Variants in PCDH9 observed in about 807,000 individuals in gnomAD.
PCDH9 encodes protocadherin 9, also known as protocadherin-9.
PCDH9 carries 24 observed loss-of-function variants against 70.6 expected under a neutral mutation model. The observed-to-expected ratio is 0.34, with a 90% CI of 0.25 to 0.48. The LOEUF is 0.48. PCDH9 is among the 20% of genes least tolerant of loss of function. The pLI is 0.99. For missense variants in PCDH9, 1,281 were observed against 1,503.6 expected, an observed-to-expected ratio of 0.85 and a Z score of 2.45; for synonymous variants, 562 against 558.5, an observed-to-expected ratio of 1.01 and a Z score of -0.09.
intron 2 of PCDH9, among the ~76,000 whole-genome samples, chr13:67,009,589 T>C (rs1442256322): frequency 6.6e-6 from 1 of 152,054 alleles, no homozygotes; most frequent in Non-Finnish European, 1.5e-5. Context: ...CTGTGCCTTC[T>C]CTGGTCTGTA....
intron 3 of PCDH9, among the ~76,000 whole-genome samples, chr13:66,822,805 G>A (rs1405366653): frequency 5.3e-5 from 8 of 152,042 alleles, no homozygotes; most frequent in African/African-American, 1.9e-4. Context: ...ACTGCACTCG[G>A]ATGATATTCT....
intron 4 of PCDH9, among the ~76,000 whole-genome samples, chr13:66,395,323 C>T (rs1208778079): frequency 2.6e-5 from 4 of 152,116 alleles, no homozygotes; most frequent in Non-Finnish European, 5.9e-5. Context: ...CTGAGTTTGG[C>T]CGGGCGTGGT....
chr13:66,722,967 C>CAA (rs1210244459), intron 3 of PCDH9, among the ~76,000 whole-genome samples: 13 of 73,628 alleles, frequency 1.8e-4, no homozygotes, highest in East Asian at 4.8e-4. Flanking sequence ...GACTGCATCT[C>CAA]AAAAAAAAAA....
intron 3 of PCDH9, among the ~76,000 whole-genome samples, chr13:66,641,251 A>G (rs1344457615): frequency 6.6e-6 from 1 of 152,076 alleles, no homozygotes; most frequent in African/African-American, 2.4e-5. Context: ...AAAAATGTCA[A>G]TGGGAATGAT....
At chr13:66,905,595 C>T (rs374468545) in intron 2 of PCDH9, among the ~76,000 whole-genome samples, 57 of 152,058 alleles carry the variant, frequency 3.7e-4, no homozygotes, top group African/African-American at 1.2e-3. Flanking sequence ...GGCCTCACTC[C>T]GATTTCAATC....
At chr13:67,022,565 C>G (rs1386610191) in intron 2 of PCDH9, among the ~76,000 whole-genome samples, 1 of 152,180 alleles carries the variant, frequency 6.6e-6, no homozygotes, top group African/African-American at 2.4e-5. Flanking sequence ...CTATTCAATA[C>G]TTTCACAAGT....
intron 3 of PCDH9, among the ~76,000 whole-genome samples, chr13:66,830,612 T>TAATTTACCTTACCTTACCTTTAC (rs2080908736): frequency 6.6e-6 from 1 of 152,208 alleles, no homozygotes; most frequent in Non-Finnish European, 1.5e-5. Context: ...AATTAAGGCC[T>TAATTTACCTTACCTTACCTTTAC]GTTACCTAAT....
Position 66,764,039 on chromosome 13 carries a change from TC to T in PCDH9, c.3139-132629del, listed in dbSNP as rs549917897. Among the ~76,000 whole-genome samples the T allele has an allele frequency of 5.9e-5, 9 of 152,066 alleles. No individual in the cohort carries two copies. In the South Asian group the frequency reaches 1.7e-3, roughly 28 times the overall value. On this transcript the variant is annotated intron_variant, in intron 3 of 4. Transcript: ENST00000377865. ...GTTTGAAACTCCTGATCTTGGGTGATCCACTTGCCTTGGCCACCCAAAGTGC... is the reference window on the plus strand; with the variant it reads ...GTTTGAAACTCCTGATCTTGGGTGATCACTTGCCTTGGCCACCCAAAGTGC...
intron 4 of PCDH9, chr13:66,306,154 A>G (rs1182962542): frequency 8.5e-5 from 13 of 152,072 alleles, no homozygotes; most frequent in Admixed American, 8.5e-4. Context: ...CAGAAAAAAA[A>G]TGCAGAAAAA....
At chr13:66,499,797 G>T (rs1313602362) in intron 4 of PCDH9, among the ~76,000 whole-genome samples, 1 of 152,196 alleles carries the variant, frequency 6.6e-6, no homozygotes, top group Non-Finnish European at 1.5e-5. Flanking sequence ...CATGGAGATG[G>T]ATCCTTCCTA....
chr13:66,942,208 G>A (rs901580822), intron 2 of PCDH9, among the ~76,000 whole-genome samples: 1 of 151,688 alleles, frequency 6.6e-6, no homozygotes, highest in Non-Finnish European at 1.5e-5. Flanking sequence ...ATTCCTGTTA[G>A]TAATTTTAAA....
intron 4 of PCDH9, among the ~76,000 whole-genome samples, chr13:66,341,162 A>G (rs955884954): frequency 6.6e-6 from 1 of 151,872 alleles, no homozygotes; most frequent in South Asian, 2.1e-4. Context: ...CTCACTCATG[A>G]CTCACTGAAG....
intron 3 of PCDH9, chr13:66,880,186 G>A (rs2081897941): frequency 6.6e-6 from 1 of 152,270 alleles, no homozygotes; most frequent in African/African-American, 2.4e-5. Flanking sequence ...GTGGAATAAT[G>A]ATAAAACACT....
chr13:66,442,874 A>G (rs538576311), intron 4 of PCDH9, among the ~76,000 whole-genome samples: 3 of 152,294 alleles, frequency 2.0e-5, no homozygotes, highest in Admixed American at 2.0e-4. Context: ...TTAAACACCT[A>G]ATTTACCTTC....
At chr13:67,169,450 A>T (rs1312358826) in intron 2 of PCDH9, among the ~76,000 whole-genome samples, 1 of 152,216 alleles carries the variant, frequency 6.6e-6, no homozygotes, top group Non-Finnish European at 1.5e-5. Context: ...AAGCTCTGGC[A>T]TAGATTTAAC....
At chr13:66,754,289 A>T (rs1449812703) in intron 3 of PCDH9, among the ~76,000 whole-genome samples, 5 of 152,162 alleles carry the variant, frequency 3.3e-5, no homozygotes, top group Non-Finnish European at 2.9e-5. Flanking sequence ...TGATGGGTTG[A>T]TGGGTGCAGC....
At chr13:66,820,787 G>A (rs551296162) in intron 3 of PCDH9, among the ~76,000 whole-genome samples, 44 of 152,194 alleles carry the variant, frequency 2.9e-4, no homozygotes, top group African/African-American at 9.9e-4. Context: ...ATATAAGTAC[G>A]AGCTAAATTA....
At chr13:67,131,211 A>G (rs915725182) in intron 2 of PCDH9, among the ~76,000 whole-genome samples, 11 of 152,158 alleles carry the variant, frequency 7.2e-5, no homozygotes, top group Non-Finnish European at 1.3e-4. Context: ...TTAAACTATA[A>G]TTGGACTTTT....
At position 66,336,259 on chromosome 13, in the gene PCDH9, A is replaced by AT. The variant is rs879606589; in HGVS notation, c.3341-31232dup. Among the ~76,000 whole-genome samples the AT allele has an allele frequency of 1.6e-3, 237 of 146,278 alleles. 2 individuals carry two copies. The highest frequency in any genetic ancestry group is 0.012 in the South Asian group (55 of 4,616). ...ATACTCCGCTTAAAGGCTTTGCAGG[A>AT]TTTTTTTTTTTTTAATTTACAAAAT... On this transcript the variant is annotated intron_variant, in intron 4 of 4. Transcript: ENST00000377865.
Sources: gnomAD v4.1 joint callset for allele counts (sites outside exome capture counted in the v4.1 genomes callset) on GRCh38, gnomAD v4.1.1 for gene constraint, MANE v1.5 for transcripts, NCBI Gene and HGNC (gene_info 2026-07-23, HGNC 2026-07-21) for gene names.